DST: variants seen among roughly 807,000 people sequenced by gnomAD.
DST encodes the protein dystonin.
DST carries 253 observed loss-of-function variants against 875.2 expected under a neutral mutation model. The ratio of observed to expected loss-of-function variants is 0.29; its 90% CI spans 0.26 to 0.32. The LOEUF is 0.32. Ranked by LOEUF, DST falls within the 10% of genes least tolerant of loss-of-function variation. The pLI, the probability that DST is intolerant of heterozygous loss-of-function variation, is 1.00. For synonymous variants in DST, 3,124 were observed against 3,197.1 expected (o/e 0.98, Z 0.77); for missense variants, 8,287 against 9,111.6 (o/e 0.91, Z 3.68).
chr6:56,738,698 T>C (rs1157815648), intron 4 of DST, among the ~76,000 whole-genome samples: 1 of 151,976 alleles, frequency 6.6e-6, no homozygotes, highest in Admixed American at 6.5e-5. Flanking sequence ...CTTGGCTTAC[T>C]GCAACCTCCA....
intron 9 of DST, chr6:56,693,024 T>C (rs34724718): frequency 0.22 from 278,881 of 1,289,470 alleles, 32,682 homozygotes; most frequent in African/African-American, 0.35. Context: ...CTCCAGTTTT[T>C]TTGATCGGTT....
At position 56,954,401 on chromosome 6, in the gene DST, T is replaced by G. The variant is rs777179860; in HGVS notation, c.181+6A>C. ...GCCCGCAGAAACCCGTCGCGGCGTG[T>G]CTTACCTCGGCTTCTTGAACGACCC... On this transcript the variant is annotated splice_donor_region_variant and intron_variant, in intron 1 of 103. Coordinates refer to ENST00000680361, the MANE Select transcript of DST (RefSeq NM_001374736.1). 5.9e-6 allele frequency: 8 copies of G among 1,365,564 alleles called. No individual in the cohort carries two copies. Among genetic ancestry groups the G allele is most frequent in the Non-Finnish European group, 6.9e-6 (7 of 1,020,942 alleles). The allele number at this position is 1,365,564 out of a possible 1,614,324, so 84.6% of individuals were successfully genotyped here.
intron 101 of DST, 59 bp from the exon 102 acceptor site, chr6:56,463,215 C>T: frequency 9.9e-7 from 1 of 1,009,774 alleles, no homozygotes; most frequent in Non-Finnish European, 1.5e-6. Context: ...AACAAAGCCA[C>T]AGAAAGAGAT....
At chr6:56,784,991 C>T (rs1161087832) in intron 4 of DST, among the ~76,000 whole-genome samples, 1 of 152,194 alleles carries the variant, frequency 6.6e-6, no homozygotes, top group African/African-American at 2.4e-5. Flanking sequence ...TAGAGGTCCA[C>T]TCCAGACCCT....
chr6:56,498,017 C>A lies in DST; in HGVS notation c.19933G>T (p.Val6645Leu). ...QNDVLAHQST[V>L]EAVNKAGNDL... ...TTTCCTGCTTTATTAACGGCTTCCA[C>A]TGTGGACTGATGGGCTAATACATCA... The change falls in exon 81 of 104, where the codon GTG (valine) becomes TTG (leucine). Residue 6645 changes from valine to leucine, a missense_variant. Physicochemically the swap from Val to Leu is conservative, Grantham distance 32. Coordinates refer to ENST00000680361, the MANE Select transcript of DST (RefSeq NM_001374736.1). 6.2e-7 allele frequency: 1 copy of A among 1,613,396 alleles called. No homozygotes were observed. Among genetic ancestry groups the A allele is most frequent in the Non-Finnish European group, 8.5e-7 (1 of 1,179,508 alleles).
At position 56,605,358 on chromosome 6, in the gene DST, A is replaced by G; in HGVS notation, c.9270T>C (p.Ser3090=). 2 of 1,612,654 alleles carry G rather than the reference A, an allele frequency of 1.2e-6. No homozygotes were observed. The highest frequency in any genetic ancestry group is 1.7e-6 in the Non-Finnish European group (2 of 1,179,246). The part of the protein sequence containing the change: ...NTRDSFKLIN[S]QFPFPQITNN... Reference sequence around the variant, plus strand: ...TTGTGATTTGTGGAAATGGAAACTGACTATTAATTAACTTGAAACTATCCC... The same window carrying G: ...TTGTGATTTGTGGAAATGGAAACTGGCTATTAATTAACTTGAAACTATCCC... The change falls in exon 40 of 104, where the codon AGT becomes AGC. Residue 3090 remains serine, a synonymous_variant. Coordinates refer to ENST00000680361, the MANE Select transcript of DST (RefSeq NM_001374736.1).
chr6:56,900,039 T>G (rs557540163), intron 3 of DST, among the ~76,000 whole-genome samples: 1 of 152,320 alleles, frequency 6.6e-6, no homozygotes, highest in South Asian at 2.1e-4. Context: ...CCCACCTTCC[T>G]TCACTGCTTC....
chr6:56,904,975 A>G (rs1353573075), intron 2 of DST, among the ~76,000 whole-genome samples: 1 of 152,132 alleles, frequency 6.6e-6, no homozygotes, highest in Non-Finnish European at 1.5e-5. Context: ...TTTTTAGTAG[A>G]GATGGGGTTT....
At chr6:56,619,004 G>A in intron 36 of DST, 1 of 1,614,104 alleles carries the variant, frequency 6.2e-7, no homozygotes, top group Non-Finnish European at 8.5e-7. Context: ...TTCTTTCTTG[G>A]TATTCTGGAT....
chr6:56,604,477 A>G lies in DST; in HGVS notation c.10151T>C (p.Ile3384Thr). ...CCTTTTAATTAAATTTTGAATTAAA[A>G]TTTTAGTGTCTGCACAGGCTGAAGG... Reference protein sequence around the residue: ...EEPSACADTKILIQNLIKRIT... With the variant: ...EEPSACADTKTLIQNLIKRIT... Residue 3384 changes from isoleucine (I) to threonine (T), a missense_variant, in exon 40 of 104, where the codon ATT becomes ACT. Ile to Thr is a moderately conservative substitution (Grantham distance 89). Transcript: ENST00000680361. 1 of 1,611,852 alleles carries G rather than the reference A, an allele frequency of 6.2e-7. No homozygotes were observed. The highest frequency in any genetic ancestry group is 2.2e-5 in the East Asian group (1 of 44,788).
chr6:56,634,740 C>G, intron 25 of DST, 61 bp downstream of exon 25: 2 of 1,602,614 alleles, frequency 1.2e-6, no homozygotes, highest in African/African-American at 2.7e-5. Context: ...GCAATATGAT[C>G]TCATTTACAA....
intron 4 of DST, among the ~76,000 whole-genome samples, chr6:56,801,026 A>G (rs918853432): frequency 3.4e-3 from 312 of 90,494 alleles, no homozygotes; most frequent in African/African-American, 0.011. Flanking sequence ...TCTCAGGGAG[A>G]AAAAAAAAAA....
chr6:56,938,108 C>CTCTCTATATA (rs1383243392), intron 2 of DST, among the ~76,000 whole-genome samples: 52 of 120,750 alleles, frequency 4.3e-4, no homozygotes, highest in African/African-American at 1.6e-3. Context: ...CTCTCTCTCT[C>CTCTCTATATA]TATATATATA....
At chr6:56,801,419 T>A (rs1179985294) in intron 4 of DST, among the ~76,000 whole-genome samples, 1 of 152,194 alleles carries the variant, frequency 6.6e-6, no homozygotes, top group African/African-American at 2.4e-5. Flanking sequence ...AATAAGATAA[T>A]AATATGAAAA....
chr6:56,913,178 A>C (rs1172322821), intron 2 of DST, among the ~76,000 whole-genome samples: 1 of 152,204 alleles, frequency 6.6e-6, no homozygotes, highest in Non-Finnish European at 1.5e-5. Context: ...ACTCTCTTTA[A>C]TTCTTTACAG....
Position 56,460,186 on chromosome 6 carries a change from C to A in DST, c.23139G>T (p.Gly7713=), listed in dbSNP as rs757281865. 1 of 1,613,992 alleles carries A rather than the reference C, an allele frequency of 6.2e-7. No individual in the cohort carries two copies. Among genetic ancestry groups the A allele is most frequent in the Non-Finnish European group, 8.5e-7 (1 of 1,179,874 alleles). The part of the protein sequence containing the change: ...GYLSGKGFHS[G]EDSGLITTAA... Reference sequence around the variant, plus strand: ...CAGTTGTTATCAAGCCACTGTCCTCCCCAGAGTGGAAGCCTTTCCCTGATA... The same window carrying A: ...CAGTTGTTATCAAGCCACTGTCCTCACCAGAGTGGAAGCCTTTCCCTGATA... The change falls in exon 103 of 104, where the codon GGG becomes GGT. Residue 7713 remains glycine, a synonymous_variant. Coordinates refer to ENST00000680361, the MANE Select transcript of DST (RefSeq NM_001374736.1).
At chr6:56,548,358 G>A (rs1436350807) in intron 61 of DST, among the ~76,000 whole-genome samples, 1 of 152,194 alleles carries the variant, frequency 6.6e-6, no homozygotes, top group Non-Finnish European at 1.5e-5. Flanking sequence ...ACTCATTAAA[G>A]CATCAAGTCT....
At chr6:56,622,569 C>CAAAAA (rs61514901) in intron 36 of DST, among the ~76,000 whole-genome samples, 2 of 65,730 alleles carry the variant, frequency 3.0e-5, no homozygotes, top group African/African-American at 5.8e-5. Context: ...AGATCCGTCT[C>CAAAAA]AAAAAAAAAA....
At chr6:56,953,448 T>C (rs538204141) in intron 2 of DST, among the ~76,000 whole-genome samples, 23 of 152,226 alleles carry the variant, frequency 1.5e-4, no homozygotes, top group Non-Finnish European at 2.6e-4. Context: ...ACAACCAGAG[T>C]CAACTGACAG....
Sources: allele counts gnomAD v4.1 joint callset (sites outside exome capture counted in the v4.1 genomes callset), GRCh38; gene constraint gnomAD v4.1.1; transcripts MANE v1.5; gene names NCBI Gene and HGNC (gene_info 2026-07-23, HGNC 2026-07-21).